Variants in SMARCD1 observed in about 807,000 individuals in gnomAD.
SMARCD1 encodes SWI/SNF-related matrix-associated actin-dependent regulator of chromatin subfamily D member 1.
Under a neutral mutation model 70.8 loss-of-function variants are expected in SMARCD1, and 16 were observed. The ratio of observed to expected loss-of-function variants is 0.23; its 90% confidence interval spans 0.15 to 0.34. The LOEUF is 0.34. SMARCD1 is among the 10% of genes least tolerant of loss of function. SMARCD1 has a pLI of 1.00. For synonymous variants in SMARCD1, 249 were observed against 246.0 expected (o/e 1.01, Z -0.11); for missense variants, 409 against 655.5 (o/e 0.62, Z 4.11).
rs1264389249 is a variant in SMARCD1 at position 50,098,697 on chromosome 12, A to G, written c.1393-17A>G. On this transcript the variant is annotated splice_polypyrimidine_tract_variant and intron_variant, in intron 11 of 12. Coordinates refer to ENST00000394963, the MANE Select transcript of SMARCD1 (RefSeq NM_003076.5). ...TCTCCTCTCTCTTCCTCCACCCTGC[A>G]TCTCCATTTCCCTCAGACAATGACT... The G allele has an allele frequency of 2.5e-6, 4 of 1,595,308 alleles. No homozygotes were observed. Among genetic ancestry groups the G allele is most frequent in the Non-Finnish European group, 3.4e-6 (4 of 1,162,914 alleles).
chr12:50,087,377 G>C lies in SMARCD1; in HGVS notation c.546G>C (p.Leu182=). 1 of 1,614,044 alleles carries C rather than the reference G, an allele frequency of 6.2e-7. No homozygotes were observed. Among genetic ancestry groups the C allele is most frequent in the South Asian group, 1.1e-5 (1 of 91,086 alleles). ...LKRPIKQKRK[L]RIFISNTFNP... ...GCCTTCCTCAGCAAAAACGGAAGCT[G>C]CGAATTTTCATTTCTAACACTTTCA... The change falls in exon 5 of 13, where the codon CTG becomes CTC. Residue 182 remains leucine, a synonymous_variant. Coordinates refer to ENST00000394963, the MANE Select transcript of SMARCD1 (RefSeq NM_003076.5).
Position 50,088,104 on chromosome 12 carries a change from T to C in SMARCD1, c.655-417T>C, listed in dbSNP as rs373190385. 83 of 540,796 alleles carry C rather than the reference T, an allele frequency of 1.5e-4. 2 individuals carry two copies. The highest frequency in any genetic ancestry group is 1.0e-3 in the African/African-American group (53 of 51,082). The allele number at this position is 540,796 out of a possible 1,614,324, so 33.5% of individuals were successfully genotyped here. A position where few individuals can be genotyped will look rare whatever the true frequency, so the allele number is the denominator to read the frequency against. On this transcript the variant is annotated intron_variant, in intron 5 of 12. Transcript: ENST00000394963. ...CCAGGGCTCAGTGTCAGAGCCTCCTTCTCTATATAGGTCCGGTCCATCTGC... is the reference window on the plus strand; with the variant it reads ...CCAGGGCTCAGTGTCAGAGCCTCCTCCTCTATATAGGTCCGGTCCATCTGC...
At position 50,085,376 on chromosome 12, in the gene SMARCD1, G is replaced by A. The variant is rs1317917577; in HGVS notation, c.7G>A (p.Ala3Thr). The A allele has an allele frequency of 1.6e-6, 2 of 1,263,606 alleles. No homozygotes were observed. Among genetic ancestry groups the A allele is most frequent in the Non-Finnish European group, 2.0e-6 (2 of 1,006,728 alleles). 78.3% of individuals were successfully genotyped at this position (1,263,606 alleles called of 1,614,324 possible). MA[A>T]RAGFQSVAPS... ...CATCGGCGGCTCCGGGAAGATGGCGGCCCGGGCGGGTTTCCAGTCTGTGGC... is the reference window on the plus strand; with the variant it reads ...CATCGGCGGCTCCGGGAAGATGGCGACCCGGGCGGGTTTCCAGTCTGTGGC... The change falls in exon 1 of 13, where the codon GCC (alanine) becomes ACC (threonine). Residue 3 changes from alanine to threonine, a missense_variant. Transcript: ENST00000394963.
At position 50,090,302 on chromosome 12, in the gene SMARCD1, G is replaced by A. The variant is rs1950829835; in HGVS notation, c.935G>A (p.Arg312His). 5 of 1,614,024 alleles carry A rather than the reference G, an allele frequency of 3.1e-6. No individual in the cohort carries two copies. The highest frequency in any genetic ancestry group is 3.4e-6 in the Non-Finnish European group (4 of 1,180,010). ...ARLLGIHTQT[R>H]PVIIQALWQY... ...CTCCTGGGCATCCATACCCAGACTC[G>A]TCCAGTGATCATCCAAGCACTGTGG... Residue 312 changes from arginine (R) to histidine (H), a missense_variant, in exon 8 of 13, where the codon CGT becomes CAT. Coordinates refer to ENST00000394963, the MANE Select transcript of SMARCD1 (RefSeq NM_003076.5).
chr12:50,098,514 G>C, intron 11 of SMARCD1, 200 bp from the exon 12 acceptor site: 1 of 588,188 alleles, frequency 1.7e-6, no homozygotes, highest in Non-Finnish European at 3.0e-6. Context: ...TCATATTAGG[G>C]GGTACTCTAA....
chr12:50,087,496 G>A lies in SMARCD1; in HGVS notation c.654+11G>A, dbSNP rs1486585908. 2.5e-6 allele frequency: 4 copies of A among 1,612,938 alleles called. No individual in the cohort carries two copies. Among genetic ancestry groups the A allele is most frequent in the Non-Finnish European group, 1.7e-6 (2 of 1,179,526 alleles). On this transcript the variant is annotated intron_variant, in intron 5 of 12. Transcript: ENST00000394963. The stretch of plus-strand genomic sequence containing the variant: ...CGGCTCCTGGAGGATGTGAGTTCAA[G>A]GTCCACAATGGTTGGCATCTAGGGT...
intron 1 of SMARCD1, 171 bp from the exon 2 acceptor site, chr12:50,085,990 C>T (rs1301483698): frequency 2.3e-6 from 1 of 443,236 alleles, no homozygotes; most frequent in African/African-American, 2.0e-5. Flanking sequence ...AGCTTTTGGA[C>T]TCTGTTTTTC....
chr12:50,088,711 A>G (rs1426098687), intron 6 of SMARCD1, 74 bp downstream of exon 6: 5 of 808,986 alleles, frequency 6.2e-6, no homozygotes, highest in African/African-American at 5.1e-5. Flanking sequence ...TTTAATGTCT[A>G]AGGAGATGGG....
At chr12:50,094,313 G>A (rs940660867) in intron 9 of SMARCD1, 124 bp from the exon 10 acceptor site, 73 of 921,898 alleles carry the variant, frequency 7.9e-5, no homozygotes, top group South Asian at 7.6e-4. Flanking sequence ...TGTCACACCC[G>A]AAAGTTCTCG....
At chr12:50,087,852 T>G (rs1950805537) in intron 5 of SMARCD1, among the ~76,000 whole-genome samples, 1 of 152,150 alleles carries the variant, frequency 6.6e-6, no homozygotes, top group African/African-American at 2.4e-5. Context: ...TATCTCCATC[T>G]TCTCAACTTT....
intron 9 of SMARCD1, among the ~76,000 whole-genome samples, chr12:50,091,397 T>G (rs1242378750): frequency 6.6e-6 from 1 of 151,788 alleles, no homozygotes; most frequent in African/African-American, 2.4e-5. Context: ...TGCCGTAGCC[T>G]CCCACATAGC....
intron 10 of SMARCD1, chr12:50,096,643 G>A: frequency 1.9e-6 from 1 of 528,566 alleles, no homozygotes; most frequent in South Asian, 2.5e-5. Context: ...CCTCACATGG[G>A]GTATACAGAG....
chr12:50,085,443 C>A lies in SMARCD1; in HGVS notation c.74C>A (p.Ala25Asp). Residue 25 changes from alanine to aspartate, a missense_variant, in exon 1 of 13, where the codon GCT (alanine) becomes GAT (aspartate). Ala to Asp is a moderately radical substitution (Grantham distance 126, BLOSUM62 -2). Around this residue, in one of 2 missense-constraint regions of SMARCD1, gnomAD observed 140 missense variants for 156.9 expected, o/e 0.89. Coordinates refer to ENST00000394963, the MANE Select transcript of SMARCD1 (RefSeq NM_003076.5). ...GAGASGGAGA[A>D]AALGPGGTPG... Reference sequence around the variant, plus strand: ...GGAGCCTCAGGAGGGGCGGGCGCGGCTGCTGCCTTGGGCCCGGGCGGAACT... The same window carrying A: ...GGAGCCTCAGGAGGGGCGGGCGCGGATGCTGCCTTGGGCCCGGGCGGAACT... 8.1e-7 allele frequency: 1 copy of A among 1,240,386 alleles called. No homozygotes were observed. Among genetic ancestry groups the A allele is most frequent in the Non-Finnish European group, 1.0e-6 (1 of 993,296 alleles). The allele number at this position is 1,240,386 out of a possible 1,614,324, so 76.8% of individuals were successfully genotyped here.
In SMARCD1 at chr12:50,099,958, A is replaced by G. The variant is rs1486494872; in HGVS notation, c.*958A>G. ...TCCCTTGTCTGCCCAGTTGACACCT[A>G]CTGGTGACTTCTAGGGCACTGAGGA... On this transcript the variant is annotated 3_prime_UTR_variant, in exon 13 of 13. Transcript: ENST00000394963. 1 of 152,690 alleles carries G rather than the reference A, an allele frequency of 6.5e-6. No homozygotes were observed. Among genetic ancestry groups the G allele is most frequent in the African/African-American group, 2.4e-5 (1 of 41,430 alleles). 9.5% of individuals were successfully genotyped at this position (152,690 alleles called of 1,614,324 possible).
At chr12:50,091,832 C>A (rs1419373237) in intron 9 of SMARCD1, among the ~76,000 whole-genome samples, 1 of 152,144 alleles carries the variant, frequency 6.6e-6, no homozygotes, top group Non-Finnish European at 1.5e-5. Flanking sequence ...GCCCACCTGG[C>A]CTCCCAAAGT....
At chr12:50,086,484 G>GGTGGTAGTGGTA in intron 2 of SMARCD1, 136 bp downstream of exon 2, 1 of 1,019,610 alleles carries the variant, frequency 9.8e-7, no homozygotes. Flanking sequence ...AATGCTTGGT[G>GGTGGTAGTGGTA]GTGGTGGTGG....
intron 4 of SMARCD1, 143 bp from the exon 5 acceptor site, chr12:50,087,220 A>G (rs1393032388): frequency 1.3e-5 from 13 of 984,992 alleles, no homozygotes; most frequent in Non-Finnish European, 1.8e-5. Flanking sequence ...CCTCTTCTAA[A>G]TGGAATCTTC....
chr12:50,090,910 C>T (rs1950837182), intron 9 of SMARCD1, among the ~76,000 whole-genome samples: 1 of 144,108 alleles, frequency 6.9e-6, no homozygotes, highest in African/African-American at 2.6e-5. Flanking sequence ...CTGCAAGCTC[C>T]GCCTCCTGGG....
At chr12:50,098,629 C>A in intron 11 of SMARCD1, 85 bp from the exon 12 acceptor site, 1 of 1,078,710 alleles carries the variant, frequency 9.3e-7, no homozygotes, top group South Asian at 1.3e-5. Flanking sequence ...GGGAAGGATA[C>A]AATTTACCCA....
Sources: allele counts gnomAD v4.1 joint callset (sites outside exome capture counted in the v4.1 genomes callset), GRCh38; gene constraint gnomAD v4.1.1; regional missense constraint gnomAD v4.1.1; transcripts MANE v1.5; gene names NCBI Gene and HGNC (gene_info 2026-07-23, HGNC 2026-07-21).